The following STK32A variants were observed in gnomAD, a reference collection of about 807,000 sequenced individuals.
The protein encoded by STK32A is serine/threonine kinase 32A.
In STK32A, 41 loss-of-function variants were observed where a neutral mutation model predicts 53.2. That is an observed-to-expected ratio of 0.77 (90% CI 0.60 to 1.00). STK32A has a LOEUF of 1.00. STK32A is among the 50% of genes least tolerant of loss of function. The pLI is 0.00. For missense variants in STK32A, 458 were observed against 485.8 expected, an observed-to-expected ratio of 0.94 and a Z score of 0.54; for synonymous variants, 166 against 162.8, an observed-to-expected ratio of 1.02 and a Z score of -0.15.
intron 5 of STK32A, among the ~76,000 whole-genome samples, chr5:147,331,447 C>T (rs1232995456): frequency 6.6e-6 from 1 of 152,188 alleles, no homozygotes; most frequent in Admixed American, 6.5e-5. Flanking sequence ...GGTATAGACG[C>T]TCTTACTTTC....
intron 9 of STK32A, among the ~76,000 whole-genome samples, 163 bp downstream of exon 9, chr5:147,370,933 C>G (rs1168299169): frequency 1.3e-5 from 2 of 152,160 alleles, no homozygotes; most frequent in African/African-American, 4.8e-5. Context: ...TTCATTAACT[C>G]AACTCAGATT....
At chr5:147,334,272 A>G (rs73262215) in intron 5 of STK32A, among the ~76,000 whole-genome samples, 3,418 of 152,270 alleles carry the variant, frequency 0.022, 128 homozygotes, top group African/African-American at 0.079. Flanking sequence ...TAACCTTAGA[A>G]AGTTCTTCTC....
intron 4 of STK32A, among the ~76,000 whole-genome samples, chr5:147,284,980 A>G (rs1752260730): frequency 6.6e-6 from 1 of 152,144 alleles, no homozygotes; most frequent in African/African-American, 2.4e-5. Flanking sequence ...ACCAAAAAAG[A>G]ACCTGCATAG....
intron 2 of STK32A, among the ~76,000 whole-genome samples, chr5:147,276,501 A>C (rs774158077): frequency 6.6e-5 from 10 of 152,288 alleles, no homozygotes; most frequent in Admixed American, 1.3e-4. Flanking sequence ...TGTTCACACT[A>C]TCCATATTTA....
At chr5:147,383,763 C>A in intron 12 of STK32A, 127 bp from the exon 13 acceptor site, 1 of 1,012,248 alleles carries the variant, frequency 9.9e-7, no homozygotes, top group African/African-American at 1.7e-5. Flanking sequence ...AAATCAAAGC[C>A]TTTTAAAAGA....
intron 5 of STK32A, among the ~76,000 whole-genome samples, chr5:147,332,975 A>G (rs1314122210): frequency 1.3e-5 from 2 of 152,222 alleles, no homozygotes; most frequent in African/African-American, 4.8e-5. Flanking sequence ...ACATTTAACT[A>G]GACTGGCAGA....
At chr5:147,308,751 G>A (rs1452233605) in intron 4 of STK32A, among the ~76,000 whole-genome samples, 1 of 149,422 alleles carries the variant, frequency 6.7e-6, no homozygotes, top group East Asian at 2.0e-4. Flanking sequence ...TAACATGAAT[G>A]AGTACAATAT....
intron 5 of STK32A, among the ~76,000 whole-genome samples, chr5:147,340,354 C>T (rs1344807279): frequency 6.6e-6 from 1 of 152,174 alleles, no homozygotes; most frequent in Non-Finnish European, 1.5e-5. Context: ...GATTCTGAAG[C>T]ATATCCAGGT....
intron 2 of STK32A, among the ~76,000 whole-genome samples, chr5:147,261,783 T>G (rs1249186565): frequency 6.6e-6 from 1 of 152,206 alleles, no homozygotes; most frequent in Non-Finnish European, 1.5e-5. Flanking sequence ...AGTAGGATTA[T>G]GAGGAACCCT....
intron 8 of STK32A, among the ~76,000 whole-genome samples, chr5:147,366,754 G>A (rs904482582): frequency 6.6e-6 from 1 of 152,046 alleles, no homozygotes; most frequent in Non-Finnish European, 1.5e-5. Flanking sequence ...CATCTTAGCA[G>A]TTTGTTGCAT....
intron 2 of STK32A, among the ~76,000 whole-genome samples, chr5:147,259,551 T>TA (rs923409602): frequency 9.9e-5 from 15 of 151,864 alleles, no homozygotes; most frequent in Non-Finnish European, 1.6e-4. Context: ...CTTTTTTTTT[T>TA]TTATTATTAT....
intron 5 of STK32A, among the ~76,000 whole-genome samples, chr5:147,337,136 C>T (rs1365874228): frequency 6.6e-6 from 1 of 152,180 alleles, no homozygotes; most frequent in Non-Finnish European, 1.5e-5. Flanking sequence ...TCCTTGGATC[C>T]TGCCACAAGG....
At chr5:147,397,613 C>G in the STK32A span, 2 of 1,562,192 alleles carry the variant, frequency 1.3e-6, no homozygotes, top group Non-Finnish European at 1.7e-6. Context: ...TATCTCTGAG[C>G]GTGAGTGGAA....
intron 4 of STK32A, among the ~76,000 whole-genome samples, chr5:147,311,203 G>A (rs1753676670): frequency 6.6e-6 from 1 of 152,074 alleles, no homozygotes; most frequent in South Asian, 2.1e-4. Flanking sequence ...TTCTATCACA[G>A]TATCCTTCAC....
In STK32A at chr5:147,254,122, C is replaced by T. The variant is rs141167489; in HGVS notation, c.52+14436C>T. 4.6e-5 allele frequency among the ~76,000 whole-genome samples: 7 copies of T among 152,246 alleles called. No individual in the cohort carries two copies. In the East Asian group the frequency reaches 1.2e-3, roughly 25 times the overall value. ...GACACCAGCCATACCGGATTCAGGG[C>T]CCACTCTACTCCATTTTGATACTGT... On this transcript the variant is annotated intron_variant, in intron 2 of 12. Coordinates refer to ENST00000397936, the MANE Select transcript of STK32A (RefSeq NM_001112724.2).
chr5:147,308,976 T>A (rs950380009), intron 4 of STK32A, among the ~76,000 whole-genome samples: 5 of 150,930 alleles, frequency 3.3e-5, no homozygotes, highest in African/African-American at 1.2e-4. Context: ...ATTTATTATT[T>A]ATAAATATGT....
intron 10 of STK32A, among the ~76,000 whole-genome samples, chr5:147,374,115 T>C (rs1302547738): frequency 6.6e-6 from 1 of 151,630 alleles, no homozygotes; most frequent in Admixed American, 6.6e-5. Context: ...CAAGACCGTG[T>C]CTCTACAGAA....
intron 2 of STK32A, among the ~76,000 whole-genome samples, chr5:147,263,966 T>A (rs1217149857): frequency 1.3e-5 from 2 of 152,184 alleles, no homozygotes; most frequent in East Asian, 3.9e-4. Context: ...ATCAAAAGAA[T>A]CAGGCATCAA....
intron 2 of STK32A, among the ~76,000 whole-genome samples, chr5:147,276,850 TC>T (rs1755283549): frequency 6.6e-6 from 1 of 152,246 alleles, no homozygotes; most frequent in Non-Finnish European, 1.5e-5. Flanking sequence ...CCAATTTTTT[TC>T]TTTTGAGAAA....
Sources: gnomAD v4.1 joint callset for allele counts (sites outside exome capture counted in the v4.1 genomes callset) on GRCh38, gnomAD v4.1.1 for gene constraint, MANE v1.5 for transcripts, NCBI Gene and HGNC (gene_info 2026-07-23, HGNC 2026-07-21) for gene names.